PTPRB: variants seen among roughly 807,000 people sequenced by gnomAD.
PTPRB encodes the protein receptor-type tyrosine-protein phosphatase beta.
Under a neutral mutation model 238.1 loss-of-function variants are expected in PTPRB, and 97 were observed. The observed-to-expected ratio is 0.41, with a 90% CI of 0.35 to 0.48. The LOEUF is 0.48. Ranked by LOEUF, PTPRB falls within the 20% of genes least tolerant of loss-of-function variation. The pLI is 0.30. For missense variants in PTPRB, 2,292 were observed against 2,681.9 expected, an observed-to-expected ratio of 0.85 and a Z score of 3.21; for synonymous variants, 970 against 995.4, an observed-to-expected ratio of 0.97 and a Z score of 0.48.
At chr12:70,550,543 T>C (rs1279547031) in intron 21 of PTPRB, among the ~76,000 whole-genome samples, 2 of 152,112 alleles carry the variant, frequency 1.3e-5, no homozygotes, top group Non-Finnish European at 2.9e-5. Context: ...AGGACAACCT[T>C]ATGGAGCTTT....
intron 2 of PTPRB, among the ~76,000 whole-genome samples, chr12:70,625,593 G>A (rs892870337): frequency 2.0e-5 from 3 of 151,688 alleles, no homozygotes; most frequent in Non-Finnish European, 4.4e-5. Flanking sequence ...TGAAACAGGT[G>A]CTGTGAAATT....
At chr12:70,547,660 C>A (rs1205314075) in intron 21 of PTPRB, among the ~76,000 whole-genome samples, 15 of 151,834 alleles carry the variant, frequency 9.9e-5, no homozygotes, top group African/African-American at 3.4e-4. Context: ...GTGCACACTA[C>A]CATGGCCAGC....
At chr12:70,584,758 T>C (rs764383082) in intron 9 of PTPRB, among the ~76,000 whole-genome samples, 3 of 151,938 alleles carry the variant, frequency 2.0e-5, no homozygotes, top group Non-Finnish European at 2.9e-5. Context: ...GAAATTTGAA[T>C]AACGTTCTCC....
At chr12:70,592,584 A>G in intron 6 of PTPRB, 39 bp from the exon 7 acceptor site, 1 of 1,586,904 alleles carries the variant, frequency 6.3e-7, no homozygotes, top group Non-Finnish European at 8.6e-7. Context: ...TTTACTCAGG[A>G]TCTCTCACAA....
rs181937348 is a variant in PTPRB at position 70,623,098 on chromosome 12, C to A, written c.452-452G>T. ...CTCAAAGCAGGTTTTAAACAAAATACCAGGTTGAGAATCACTGTTAATGAC... is the reference window on the plus strand; with the variant it reads ...CTCAAAGCAGGTTTTAAACAAAATAACAGGTTGAGAATCACTGTTAATGAC... On this transcript the variant is annotated intron_variant, in intron 2 of 33. Transcript: ENST00000334414. Among the ~76,000 whole-genome samples, 13 of 152,204 alleles carry A rather than the reference C, an allele frequency of 8.5e-5. No individual in the cohort carries two copies. The East Asian group carries it at 2.5e-3, about 29-fold the overall frequency.
intron 6 of PTPRB, 107 bp downstream of exon 6, chr12:70,594,360 G>A (rs560967083): frequency 1.4e-6 from 2 of 1,409,088 alleles, no homozygotes; most frequent in African/African-American, 1.4e-5. Context: ...TACCTTATAA[G>A]AATTTCAATT....
In PTPRB at chr12:70,581,124, A is replaced by C. The variant is rs370857275; in HGVS notation, c.2490T>G (p.Ser830=). The part of the protein sequence containing the change: ...SSETSRYSFH[S]LKSGSLYSVV... ...CGGAGTACAGGCTGCCGGACTTGAG[A>C]GAGTGGAAGCTGTATCTGCTGGTCT... The change falls in exon 10 of 34, where the codon TCT becomes TCG. Residue 830 remains serine (S), a synonymous_variant. Transcript: ENST00000334414. The C allele has an allele frequency of 1.9e-6, 3 of 1,613,824 alleles. No homozygotes were observed. In the African/African-American group the frequency reaches 4.0e-5, roughly 22 times the overall value.
intron 2 of PTPRB, among the ~76,000 whole-genome samples, chr12:70,631,943 AG>A (rs1487266862): frequency 6.6e-6 from 1 of 152,228 alleles, no homozygotes; most frequent in Non-Finnish European, 1.5e-5. Context: ...GATGCTGGAG[AG>A]GATGTGGAGA....
At chr12:70,580,922 T>C (rs182458325) in intron 10 of PTPRB, 114 bp downstream of exon 10, 1 of 1,259,528 alleles carries the variant, frequency 7.9e-7, no homozygotes, top group Admixed American at 2.9e-5. Flanking sequence ...GAAACTTAGC[T>C]TTTGTAAAGG....
intron 2 of PTPRB, among the ~76,000 whole-genome samples, chr12:70,631,069 A>C (rs1400789031): frequency 6.6e-6 from 1 of 152,162 alleles, no homozygotes; most frequent in Non-Finnish European, 1.5e-5. Context: ...ACAGAATTGG[A>C]AAAAACTACT....
intron 18 of PTPRB, among the ~76,000 whole-genome samples, chr12:70,557,271 G>A (rs1417594317): frequency 2.0e-5 from 3 of 152,182 alleles, no homozygotes; most frequent in Admixed American, 6.5e-5. Flanking sequence ...GAGAAATTGA[G>A]TACTGGAATG....
chr12:70,609,029 C>T (rs1884198933), intron 4 of PTPRB, 40 bp downstream of exon 4: 2 of 1,604,512 alleles, frequency 1.2e-6, no homozygotes, highest in Non-Finnish European at 8.5e-7. Flanking sequence ...GGCCCAACCC[C>T]GTGTGGCTTG....
rs954051005 is a variant in PTPRB at position 70,545,327 on chromosome 12, ATAT to A, written c.5388-667_5388-665del. Among the ~76,000 whole-genome samples the A allele has an allele frequency of 1.2e-4, 19 of 152,316 alleles. No individual in the cohort carries two copies. The South Asian group carries it at 3.1e-3, about 25-fold the overall frequency. ...GAGAAGTCAAGTGGCCCAAATATCA[ATAT>A]TATTGTTGTTGTTATTTTAACTTAC... is the stretch of plus-strand genomic sequence containing the variant. On this transcript the variant is annotated intron_variant, in intron 21 of 33. Coordinates refer to ENST00000334414, the MANE Select transcript of PTPRB (RefSeq NM_001109754.4).
At chr12:70,601,050 T>A (rs1883437799) in intron 4 of PTPRB, among the ~76,000 whole-genome samples, 1 of 152,014 alleles carries the variant, frequency 6.6e-6, no homozygotes, top group Non-Finnish European at 1.5e-5. Context: ...ATATTTTTAG[T>A]AGAGATAGGG....
At chr12:70,548,643 A>T (rs905583264) in intron 21 of PTPRB, among the ~76,000 whole-genome samples, 20 of 152,212 alleles carry the variant, frequency 1.3e-4, no homozygotes, top group African/African-American at 4.6e-4. Context: ...GTATAGGTTC[A>T]GCTTAAAATT....
intron 2 of PTPRB, among the ~76,000 whole-genome samples, chr12:70,628,533 C>T (rs1007627372): frequency 6.6e-6 from 1 of 152,022 alleles, no homozygotes; most frequent in Non-Finnish European, 1.5e-5. Flanking sequence ...TTTAATTTCC[C>T]CCTGGCAAGG....
intron 10 of PTPRB, among the ~76,000 whole-genome samples, chr12:70,579,695 C>CAAAAAAAAAAAAA (rs35887706): frequency 1.1e-5 from 1 of 91,016 alleles, no homozygotes; most frequent in Admixed American, 1.3e-4. Flanking sequence ...GACTCCATCT[C>CAAAAAAAAAAAAA]AAAAAAAAAA....
chr12:70,616,047 C>G (rs1343298249), intron 3 of PTPRB, among the ~76,000 whole-genome samples: 1 of 152,066 alleles, frequency 6.6e-6, no homozygotes, highest in East Asian at 1.9e-4. Context: ...CTCTCTAGAT[C>G]CAGCCCCAAG....
chr12:70,581,450 G>T, intron 9 of PTPRB, 148 bp from the exon 10 acceptor site: 1 of 865,894 alleles, frequency 1.2e-6, no homozygotes. Context: ...TATTTCCTGT[G>T]GCATATGGAG....
Sources: gnomAD v4.1 joint callset for allele counts (sites outside exome capture counted in the v4.1 genomes callset) on GRCh38, gnomAD v4.1.1 for gene constraint, MANE v1.5 for transcripts, NCBI Gene and HGNC (gene_info 2026-07-23, HGNC 2026-07-21) for gene names.